The following HCK variants were observed in gnomAD, a reference collection of about 807,000 sequenced individuals.
The protein encoded by HCK is tyrosine-protein kinase HCK.
HCK carries 40 observed loss-of-function variants against 70.4 expected under a neutral mutation model. The observed-to-expected ratio is 0.57, with a 90% CI of 0.44 to 0.74. HCK has a LOEUF of 0.74. HCK is among the 30% of genes least tolerant of loss of function. The pLI is 0.00. For missense variants in HCK, 568 were observed against 697.2 expected (o/e 0.81, Z 2.09); for synonymous variants, 245 against 263.2 (o/e 0.93, Z 0.67).
chr20:32,083,421 T>C (rs2045734920), intron 6 of HCK, among the ~76,000 whole-genome samples: 2 of 152,194 alleles, frequency 1.3e-5, no homozygotes, highest in Non-Finnish European at 2.9e-5. Flanking sequence ...TCCAGAAAAG[T>C]CATAGCCTGA....
At chr20:32,093,819 G>T in intron 10 of HCK, 44 bp from the exon 11 acceptor site, 1 of 1,569,188 alleles carries the variant, frequency 6.4e-7, no homozygotes, top group Non-Finnish European at 8.6e-7. Flanking sequence ...CCATCTTGGC[G>T]TAGGCCAGGT....
chr20:32,079,649 G>A, intron 5 of HCK, 125 bp from the exon 6 acceptor site: 2 of 616,698 alleles, frequency 3.2e-6, no homozygotes, highest in Non-Finnish European at 5.9e-6. Context: ...AACTGATGCT[G>A]CAGGAAGCCA....
intron 11 of HCK, among the ~76,000 whole-genome samples, chr20:32,095,176 T>A (rs76386673): frequency 0.087 from 13,258 of 152,286 alleles, 767 homozygotes; most frequent in Non-Finnish European, 0.13. Flanking sequence ...CAGATGACCC[T>A]TAAAAACATT....
intron 11 of HCK, among the ~76,000 whole-genome samples, chr20:32,095,517 A>G (rs1056945594): frequency 6.6e-6 from 1 of 152,124 alleles, no homozygotes; most frequent in Non-Finnish European, 1.5e-5. Context: ...TTGGCCTCCC[A>G]AACTGCTGGG....
At chr20:32,055,269 G>A (rs979670364) in intron 1 of HCK, among the ~76,000 whole-genome samples, 1 of 152,150 alleles carries the variant, frequency 6.6e-6, no homozygotes, top group Admixed American at 6.5e-5. Flanking sequence ...TCTCCCAGCC[G>A]TCTCTGGATC....
At chr20:32,053,813 C>T (rs1439080471) in intron 1 of HCK, among the ~76,000 whole-genome samples, 24 of 152,038 alleles carry the variant, frequency 1.6e-4, no homozygotes, top group Admixed American at 1.5e-3. Flanking sequence ...ATTGCTGGGC[C>T]GAATCCTAGA....
intron 2 of HCK, 66 bp downstream of exon 2, chr20:32,071,848 C>T: frequency 6.4e-7 from 1 of 1,566,910 alleles, no homozygotes; most frequent in Non-Finnish European, 8.7e-7. Flanking sequence ...GCCCTAACAG[C>T]CTCCTGTCTT....
At chr20:32,097,207 G>A (rs2045968372) in intron 11 of HCK, among the ~76,000 whole-genome samples, 1 of 152,080 alleles carries the variant, frequency 6.6e-6, no homozygotes, top group Non-Finnish European at 1.5e-5. Flanking sequence ...TTGAGCCCAG[G>A]AGGTTGAGGC....
At chr20:32,069,649 C>T (rs1386388057) in intron 1 of HCK, 1 of 493,220 alleles carries the variant, frequency 2.0e-6, no homozygotes. Context: ...ATCCAGCACT[C>T]CAAGAGTCTG....
intron 1 of HCK, among the ~76,000 whole-genome samples, chr20:32,067,835 T>A (rs1041434844): frequency 6.6e-6 from 1 of 152,094 alleles, no homozygotes; most frequent in Non-Finnish European, 1.5e-5. Flanking sequence ...AAATCCACAC[T>A]GAGATGTGAA....
chr20:32,059,439 TC>T (rs760767412), intron 1 of HCK, among the ~76,000 whole-genome samples: 1 of 151,580 alleles, frequency 6.6e-6, no homozygotes, highest in South Asian at 2.1e-4. Flanking sequence ...CTTTTTTCTT[TC>T]TTTCTTTCTT....
chr20:32,100,084 T>C lies in HCK; in HGVS notation c.1378+949T>C, dbSNP rs541960373. Among the ~76,000 whole-genome samples, 6 of 152,110 alleles carry C rather than the reference T, an allele frequency of 3.9e-5. No homozygotes were observed. In the East Asian group the frequency reaches 1.2e-3, roughly 29 times the overall value. ...CTGGCTATTTTTTATTTTTTTAATT[T>C]TTTTGTAGAGACTTGGTCTCACTAC... On this transcript the variant is annotated intron_variant, in intron 12 of 12. Coordinates refer to ENST00000375852, the MANE Select transcript of HCK (RefSeq NM_002110.5).
chr20:32,054,154 CAG>C (rs1600698763), intron 1 of HCK: 2 of 437,740 alleles, frequency 4.6e-6, no homozygotes, highest in East Asian at 1.4e-4. Context: ...CTAAAAGTAA[CAG>C]AAAAAATTGA....
At position 32,088,513 on chromosome 20, in the gene HCK, T is replaced by C. The variant is rs2223785; in HGVS notation, c.1016-55T>C. The C allele has an allele frequency of 0.015, 20,408 of 1,363,844 alleles. 1,363 individuals are homozygous for C. In the African/African-American group the frequency reaches 0.19, roughly 12 times the overall value. 84.5% of individuals were successfully genotyped at this position (1,363,844 alleles called of 1,614,324 possible). On this transcript the variant is annotated intron_variant, in intron 9 of 12. Coordinates refer to ENST00000375852, the MANE Select transcript of HCK (RefSeq NM_002110.5). Reference sequence around the variant, plus strand: ...TAGATTGGTGCAAAAGTAATTGTGGTTTTTGCCATTAAATAGTAAAAGTAG... The same window carrying C: ...TAGATTGGTGCAAAAGTAATTGTGGCTTTTGCCATTAAATAGTAAAAGTAG...
intron 9 of HCK, 83 bp downstream of exon 9, chr20:32,086,890 T>C (rs773080080): frequency 1.5e-6 from 2 of 1,314,590 alleles, no homozygotes; most frequent in Non-Finnish European, 2.1e-6. Flanking sequence ...ACATGGTTCT[T>C]GCCCTTGAGA....
intron 5 of HCK, among the ~76,000 whole-genome samples, chr20:32,074,979 C>A (rs952487781): frequency 6.6e-6 from 1 of 152,108 alleles, no homozygotes; most frequent in Non-Finnish European, 1.5e-5. Flanking sequence ...AGCAAAACGA[C>A]CTGGTTTCTT....
At chr20:32,081,097 T>C (rs1255655197) in intron 6 of HCK, among the ~76,000 whole-genome samples, 1 of 151,982 alleles carries the variant, frequency 6.6e-6, no homozygotes, top group African/African-American at 2.4e-5. Flanking sequence ...TCTAAAAAAA[T>C]AAAACAAAAT....
intron 11 of HCK, among the ~76,000 whole-genome samples, chr20:32,096,982 G>C (rs1415555543): frequency 6.6e-6 from 1 of 151,798 alleles, no homozygotes; most frequent in African/African-American, 2.4e-5. Context: ...GTTATAACTC[G>C]ATTAAAAAAA....
At chr20:32,084,074 C>T (rs1305082293) in intron 7 of HCK, 31 bp downstream of exon 7, 4 of 1,604,754 alleles carry the variant, frequency 2.5e-6, no homozygotes, top group Non-Finnish European at 3.4e-6. Context: ...GACATCCCCA[C>T]CACGATGGGC....
Sources: allele counts gnomAD v4.1 joint callset (sites outside exome capture counted in the v4.1 genomes callset), GRCh38; gene constraint gnomAD v4.1.1; transcripts MANE v1.5; gene names NCBI Gene and HGNC (gene_info 2026-07-23, HGNC 2026-07-21).